KAZN: variants seen among roughly 807,000 people sequenced by gnomAD.
KAZN encodes kazrin.
KAZN carries 40 observed loss-of-function variants against 87.4 expected under a neutral mutation model. The observed-to-expected ratio is 0.46, with a 90% CI of 0.36 to 0.60. The LOEUF is 0.60. KAZN is among the 20% of genes least tolerant of loss of function. The pLI is 0.00. For synonymous variants in KAZN, 466 were observed against 458.3 expected (o/e 1.02, Z -0.22); for missense variants, 898 against 1,073.9 (o/e 0.84, Z 2.29).
intron 1 of KAZN, among the ~76,000 whole-genome samples, chr1:14,041,516 A>G (rs970899132): frequency 1.3e-5 from 2 of 152,220 alleles, no homozygotes; most frequent in African/African-American, 4.8e-5. Context: ...CAAACCTGTC[A>G]GATAACCTAC....
At chr1:14,775,480 GATCCAGGTCAGCCTTGGCGTCC>G (rs953511201) in intron 1 of KAZN, among the ~76,000 whole-genome samples, 1 of 152,230 alleles carries the variant, frequency 6.6e-6, no homozygotes, top group African/African-American at 2.4e-5. Flanking sequence ...CCTCAGAGAT[GATCCAGGTCAGCCTTGGCGTCC>G]ACGCCTTGTG....
In KAZN at chr1:14,856,669, T is replaced by C. The variant is rs970864001; in HGVS notation, c.227-104015T>C. 6.6e-6 allele frequency among the ~76,000 whole-genome samples: 1 copy of C among 152,208 alleles called. No homozygotes were observed. Among genetic ancestry groups the C allele is most frequent in the Admixed American group, 6.5e-5 (1 of 15,288 alleles). ...TACATTTTGGGGAATAAATAGGCAA[T>C]GACCTTCTGCGAAGGAGGAACTTCT... On this transcript the variant is annotated intron_variant, in intron 1 of 14. Transcript: ENST00000376030. This position sits in a 1 kb window ranked among gnomAD's most constrained non-coding sequence, Gnocchi z 5.2.
In KAZN at chr1:14,273,211, C is replaced by T. The variant is rs1652089293; in HGVS notation, c.249+92619C>T. ...TTGGATCAGACCTAACTTGATTTAG[C>T]CTAAAGATGTTGTTTATTGCTTCCT... On this transcript the variant is annotated intron_variant, in intron 2 of 16. Transcript: ENST00000636203. Among the ~76,000 whole-genome samples, 6 of 151,944 alleles carry T rather than the reference C, an allele frequency of 3.9e-5. No homozygotes were observed. In the South Asian group the frequency reaches 1.0e-3, roughly 26 times the overall value.
At chr1:15,020,937 G>A (rs978105925) in intron 2 of KAZN, among the ~76,000 whole-genome samples, 2 of 152,152 alleles carry the variant, frequency 1.3e-5, no homozygotes. Context: ...TCTGCTCTCT[G>A]CAGCCTCTCT....
intron 2 of KAZN, among the ~76,000 whole-genome samples, chr1:14,337,129 T>C (rs1000941978): frequency 6.6e-6 from 1 of 152,256 alleles, no homozygotes; most frequent in African/African-American, 2.4e-5. Context: ...AGATGACGCA[T>C]ATGAAGCACT....
chr1:14,510,496 C>A (rs996997968), intron 2 of KAZN, among the ~76,000 whole-genome samples: 3 of 152,062 alleles, frequency 2.0e-5, no homozygotes, highest in African/African-American at 7.2e-5. Context: ...CAAAGGTATT[C>A]ATGGTTTATC....
intron 1 of KAZN, among the ~76,000 whole-genome samples, chr1:13,944,276 C>G (rs1453519236): frequency 6.6e-6 from 1 of 152,164 alleles, no homozygotes; most frequent in Non-Finnish European, 1.5e-5. Context: ...ACACAAGAGA[C>G]CAACCACACA....
intron 4 of KAZN, among the ~76,000 whole-genome samples, chr1:15,052,435 A>G (rs777124090): frequency 7.2e-5 from 11 of 152,146 alleles, no homozygotes; most frequent in African/African-American, 1.9e-4. Flanking sequence ...CTATGATTCA[A>G]TTACCTCCCA....
At chr1:14,203,183 A>G (rs1646674666) in intron 2 of KAZN, among the ~76,000 whole-genome samples, 1 of 152,082 alleles carries the variant, frequency 6.6e-6, no homozygotes, top group Non-Finnish European at 1.5e-5. Context: ...AATGAGATAG[A>G]CAGTGAAAAA....
rs565321821 is a variant in KAZN at position 14,260,038 on chromosome 1, A to G, written c.249+79446A>G. On this transcript the variant is annotated intron_variant, in intron 2 of 16. Transcript: ENST00000636203. ...TTTATTTTCTGAGTTGGCTGTTATC[A>G]CCGTTTTCAATTTCTACACTCCTGA... 4.5e-4 allele frequency among the ~76,000 whole-genome samples: 69 copies of G among 152,108 alleles called. 1 individual carries two copies. Among genetic ancestry groups the G allele is most frequent in the Admixed American group, 2.4e-3 (37 of 15,270 alleles).
At chr1:13,973,314 AC>A (rs1642198857) in intron 1 of KAZN, among the ~76,000 whole-genome samples, 1 of 151,942 alleles carries the variant, frequency 6.6e-6, no homozygotes, top group South Asian at 2.1e-4. Flanking sequence ...GCCCTTCTCC[AC>A]CCTGCTTTAT....
chr1:14,465,257 G>T (rs964689299), intron 2 of KAZN, among the ~76,000 whole-genome samples: 3 of 151,958 alleles, frequency 2.0e-5, no homozygotes, highest in African/African-American at 7.3e-5. Flanking sequence ...AAATTGGCCA[G>T]GCATGGTGGA....
At chr1:14,414,328 G>A (rs1251060988) in intron 2 of KAZN, among the ~76,000 whole-genome samples, 1 of 140,686 alleles carries the variant, frequency 7.1e-6, no homozygotes, top group African/African-American at 2.6e-5. Context: ...ATTTACTGCA[G>A]CACTATTTGT....
At chr1:14,192,568 A>G (rs1646442874) in intron 2 of KAZN, among the ~76,000 whole-genome samples, 1 of 152,214 alleles carries the variant, frequency 6.6e-6, no homozygotes, top group Admixed American at 6.5e-5. Context: ...GGTCTGGAAA[A>G]AAACTTGTTC....
At chr1:14,811,768 A>G (rs1486217959) in intron 1 of KAZN, among the ~76,000 whole-genome samples, 1 of 152,236 alleles carries the variant, frequency 6.6e-6, no homozygotes, top group African/African-American at 2.4e-5. Flanking sequence ...ATCAAATGAT[A>G]GTGCATGTTA....
At chr1:14,278,925 G>GTTTTTT (rs1652619957) in intron 2 of KAZN, among the ~76,000 whole-genome samples, 1 of 66,064 alleles carries the variant, frequency 1.5e-5, no homozygotes, top group African/African-American at 7.1e-5. Context: ...ATCAAATTCA[G>GTTTTTT]CTTTTTTTTT....
intron 2 of KAZN, among the ~76,000 whole-genome samples, chr1:14,185,105 T>C (rs1302938080): frequency 6.6e-6 from 1 of 152,086 alleles, no homozygotes; most frequent in Non-Finnish European, 1.5e-5. Context: ...ATCAGAAGGA[T>C]CCTGGGCTTA....
At chr1:14,243,283 T>C (rs909813355) in intron 2 of KAZN, among the ~76,000 whole-genome samples, 1 of 152,182 alleles carries the variant, frequency 6.6e-6, no homozygotes, top group African/African-American at 2.4e-5. Context: ...ACCTGAAGAA[T>C]CAGGCTCTCT....
chr1:15,066,211 G>A lies in KAZN; in HGVS notation c.1222+458G>A. On this transcript the variant is annotated intron_variant, in intron 8 of 14. Transcript: ENST00000376030. This position sits in a 1 kb window ranked among gnomAD's most constrained non-coding sequence, Gnocchi z 4.3. ...TTTTTATGAAACTTGAAAACTTGAA[G>A]GACTGCTGTGTATTTGTAAATAACA... is the stretch of plus-strand genomic sequence containing the variant. 4.0e-6 allele frequency: 4 copies of A among 992,152 alleles called. No homozygotes were observed. The highest frequency in any genetic ancestry group is 4.8e-6 in the Non-Finnish European group (4 of 834,736). 61.5% of individuals were successfully genotyped at this position (992,152 alleles called of 1,614,324 possible). A position where few individuals can be genotyped will look rare whatever the true frequency, so the allele number is the denominator to read the frequency against.
Sources: allele counts gnomAD v4.1 joint callset (sites outside exome capture counted in the v4.1 genomes callset), GRCh38; gene constraint gnomAD v4.1.1; non-coding constraint Gnocchi (gnomAD v3.1); transcripts MANE v1.5; gene names NCBI Gene and HGNC (gene_info 2026-07-23, HGNC 2026-07-21).